NRXN3: variants seen among roughly 807,000 people sequenced by gnomAD.
NRXN3 encodes the protein neurexin III.
NRXN3 carries 32 observed loss-of-function variants against 137.6 expected under a neutral mutation model. The ratio of observed to expected loss-of-function variants is 0.23; its 90% CI spans 0.18 to 0.31. The LOEUF (loss-of-function observed/expected upper bound fraction) is 0.31, where lower values mean the gene tolerates loss of function less well. NRXN3 is among the 10% of genes least tolerant of loss of function. The probability of loss-of-function intolerance (pLI) is 1.00; values close to 1 mark genes in which losing one functional copy is unlikely to be tolerated. For missense variants in NRXN3, 1,574 were observed against 2,062.5 expected (o/e 0.76, Z 4.59); for synonymous variants, 798 against 784.5 (o/e 1.02, Z -0.29).
chr14:79,808,260 A>G (rs1465924564), intron 20 of NRXN3, among the ~76,000 whole-genome samples: 1 of 134,972 alleles, frequency 7.4e-6, no homozygotes, highest in African/African-American at 3.2e-5. Flanking sequence ...AAAAAAATAT[A>G]TATATATATA....
intron 6 of NRXN3, among the ~76,000 whole-genome samples, chr14:78,679,484 A>G (rs2098049986): frequency 6.6e-6 from 1 of 152,244 alleles, no homozygotes; most frequent in Non-Finnish European, 1.5e-5. Context: ...CAACTGTGCA[A>G]CAGAAAATGG....
chr14:78,636,969 G>GT (rs948688935), intron 4 of NRXN3, among the ~76,000 whole-genome samples: 17 of 150,800 alleles, frequency 1.1e-4, no homozygotes, highest in South Asian at 2.1e-4. Context: ...CATGTTCTGT[G>GT]TTTTTTTTTA....
At chr14:79,166,635 A>G (rs1395458108) in intron 15 of NRXN3, among the ~76,000 whole-genome samples, 1 of 151,604 alleles carries the variant, frequency 6.6e-6, no homozygotes, top group East Asian at 1.9e-4. Flanking sequence ...CTGAGACCCA[A>G]GGATTAGTAA....
At chr14:78,337,900 A>T (rs751482575) in intron 4 of NRXN3, among the ~76,000 whole-genome samples, 2 of 152,114 alleles carry the variant, frequency 1.3e-5, no homozygotes, top group Admixed American at 1.3e-4. Context: ...ACAGTCAAAA[A>T]GTCTAAGATC....
chr14:79,675,244 C>A (rs2098634338), intron 17 of NRXN3, among the ~76,000 whole-genome samples: 1 of 151,874 alleles, frequency 6.6e-6, no homozygotes, highest in South Asian at 2.1e-4. Flanking sequence ...TAGAAACCAA[C>A]CTATCTTATA....
chr14:79,787,738 T>A (rs994423650), intron 19 of NRXN3, among the ~76,000 whole-genome samples: 1 of 152,250 alleles, frequency 6.6e-6, no homozygotes, highest in African/African-American at 2.4e-5. Context: ...TCCTGCTTTT[T>A]AAAGGCTGAA....
At chr14:78,886,835 C>A (rs2099145224) in intron 10 of NRXN3, among the ~76,000 whole-genome samples, 1 of 152,142 alleles carries the variant, frequency 6.6e-6, no homozygotes, top group South Asian at 2.1e-4. Flanking sequence ...CCCAATGGCC[C>A]AGGCTGTGGG....
chr14:78,258,159 C>T (rs370832693), intron 2 of NRXN3, among the ~76,000 whole-genome samples: 38 of 152,146 alleles, frequency 2.5e-4, no homozygotes, highest in Non-Finnish European at 2.1e-4. Flanking sequence ...AGATAGTGCA[C>T]GTAGAGTGCT....
chr14:78,704,819 T>A (rs556312466), intron 6 of NRXN3, among the ~76,000 whole-genome samples: 1 of 152,300 alleles, frequency 6.6e-6, no homozygotes, highest in African/African-American at 2.4e-5. Context: ...TATAAAACAG[T>A]GTTTGCAAAG....
intron 15 of NRXN3, among the ~76,000 whole-genome samples, chr14:79,447,855 G>GAATAT (rs932114696): frequency 6.6e-6 from 1 of 152,172 alleles, no homozygotes; most frequent in Non-Finnish European, 1.5e-5. Flanking sequence ...AGTGTTTCTG[G>GAATAT]CTAAATATCC....
chr14:78,707,982 G>A (rs1050090214), intron 6 of NRXN3, among the ~76,000 whole-genome samples: 8 of 152,108 alleles, frequency 5.3e-5, no homozygotes, highest in Non-Finnish European at 8.8e-5. Context: ...CCACAATTTT[G>A]CAATTGGAAA....
intron 15 of NRXN3, among the ~76,000 whole-genome samples, chr14:79,422,625 G>T (rs896056057): frequency 2.6e-5 from 4 of 151,640 alleles, no homozygotes; most frequent in African/African-American, 9.7e-5. Context: ...AATAAAGTAA[G>T]TCCAGACCCG....
At chr14:78,967,101 A>G (rs2099419072) in intron 12 of NRXN3, 107 bp from the exon 13 acceptor site, 9 of 855,408 alleles carry the variant, frequency 1.1e-5, no homozygotes, top group Non-Finnish European at 1.6e-5. Context: ...GCATTATGCC[A>G]GTTTAGCATG....
chr14:79,048,596 G>T (rs566261932), intron 15 of NRXN3, among the ~76,000 whole-genome samples: 4 of 150,614 alleles, frequency 2.7e-5, no homozygotes, highest in Admixed American at 6.7e-5. Flanking sequence ...TAAAAAATGC[G>T]AATGATTATC....
At chr14:79,794,843 C>T (rs2140361704) in intron 19 of NRXN3, among the ~76,000 whole-genome samples, 1 of 152,296 alleles carries the variant, frequency 6.6e-6, no homozygotes, top group East Asian at 1.9e-4. Context: ...ATCAGGAACA[C>T]TATATGAGGA....
intron 15 of NRXN3, among the ~76,000 whole-genome samples, chr14:79,317,281 C>T (rs1439520920): frequency 6.6e-6 from 1 of 152,104 alleles, no homozygotes; most frequent in Admixed American, 6.6e-5. Context: ...TCTGGAGGCT[C>T]TCAGGGAGGA....
chr14:78,225,974 G>GTGTGTGTGTTGGT (rs1394081828), intron 1 of NRXN3, among the ~76,000 whole-genome samples: 1 of 123,630 alleles, frequency 8.1e-6, no homozygotes, highest in Non-Finnish European at 1.7e-5. Flanking sequence ...TGTGTGTGTT[G>GTGTGTGTGTTGGT]GTGTGTGTGT....
chr14:78,445,341 A>G lies in NRXN3; in HGVS notation c.757+147481A>G, dbSNP rs1258409500. Among the ~76,000 whole-genome samples, 4 of 152,368 alleles carry G rather than the reference A, an allele frequency of 2.6e-5. No individual in the cohort carries two copies. The East Asian group carries it at 7.7e-4, about 29-fold the overall frequency. ...TCCGGAACTCAGGTTGTAAAATAAAAAGGTCCAACCAGATGATATCTAGGG... is the reference window on the plus strand; with the variant it reads ...TCCGGAACTCAGGTTGTAAAATAAAGAGGTCCAACCAGATGATATCTAGGG... On this transcript the variant is annotated intron_variant, in intron 4 of 20. Transcript: ENST00000335750.
At chr14:79,318,327 G>A (rs2089307460) in intron 15 of NRXN3, among the ~76,000 whole-genome samples, 1 of 152,246 alleles carries the variant, frequency 6.6e-6, no homozygotes, top group South Asian at 2.1e-4. Context: ...CTCTGCAGAT[G>A]AGATGTGAAG....
Sources: allele counts gnomAD v4.1 joint callset (sites outside exome capture counted in the v4.1 genomes callset), GRCh38; gene constraint gnomAD v4.1.1; transcripts MANE v1.5; gene names NCBI Gene and HGNC (gene_info 2026-07-23, HGNC 2026-07-21).